The following ANKFN1 variants were observed in gnomAD, a reference collection of about 807,000 sequenced individuals.
ANKFN1 encodes ankyrin repeat and fibronectin type III domain containing 1.
A neutral mutation model predicts 108.7 loss-of-function variants in ANKFN1; 74 were observed. The ratio of observed to expected loss-of-function variants is 0.68; its 90% CI spans 0.56 to 0.83. The LOEUF is 0.83. ANKFN1 is among the 40% of genes least tolerant of loss of function. The pLI is 0.00. For synonymous variants in ANKFN1, 547 were observed against 516.2 expected, an observed-to-expected ratio of 1.06 and a Z score of -0.81; for missense variants, 1,505 against 1,382.3, an observed-to-expected ratio of 1.09 and a Z score of -1.41.
chr17:56,144,790 C>G (rs1341596451), intron 4 of ANKFN1, among the ~76,000 whole-genome samples: 1 of 152,156 alleles, frequency 6.6e-6, no homozygotes, highest in African/African-American at 2.4e-5. Context: ...AGCATTGGAG[C>G]AGATGTCTGA....
At chr17:56,174,772 C>T (rs1910984663) in intron 1 of ANKFN1, among the ~76,000 whole-genome samples, 1 of 152,174 alleles carries the variant, frequency 6.6e-6, no homozygotes, top group African/African-American at 2.4e-5. Context: ...CGGAGTCCCT[C>T]CTCCCACCTT....
chr17:56,308,837 G>GCGC (rs1375699962), intron 3 of ANKFN1, among the ~76,000 whole-genome samples: 1 of 152,094 alleles, frequency 6.6e-6, no homozygotes, highest in Middle Eastern at 3.2e-3. Flanking sequence ...ATGTGAGTTT[G>GCGC]CGCCTTTTAT....
chr17:56,326,526 A>G lies in ANKFN1; in HGVS notation c.188+171A>G, dbSNP rs182923621. Among the ~76,000 whole-genome samples the G allele has an allele frequency of 1.2e-3, 190 of 152,314 alleles. 1 individual carries two copies. Among genetic ancestry groups the G allele is most frequent in the Middle Eastern group, 3.4e-3 (1 of 294 alleles). On this transcript the variant is annotated intron_variant, in intron 4 of 20. Transcript: ENST00000682825. ...AGAATACACACAAGCACACACACAC[A>G]CAGTGGTCTGCAATTGTACATACAC... is the stretch of plus-strand genomic sequence containing the variant.
At chr17:56,190,132 A>G (rs59442937) in intron 1 of ANKFN1, among the ~76,000 whole-genome samples, 30,865 of 121,160 alleles carry the variant, frequency 0.25, 4,013 homozygotes, top group East Asian at 0.45. Flanking sequence ...CTAGCGGTCT[A>G]TCAATTTTGT....
At chr17:56,347,378 A>G (rs1312891576) in intron 4 of ANKFN1, among the ~76,000 whole-genome samples, 1 of 152,010 alleles carries the variant, frequency 6.6e-6, no homozygotes, top group African/African-American at 2.4e-5. Flanking sequence ...AATCTTCACA[A>G]TTCTAGAAAA....
At chr17:56,348,211 A>G (rs1198676594) in intron 4 of ANKFN1, among the ~76,000 whole-genome samples, 1 of 152,116 alleles carries the variant, frequency 6.6e-6, no homozygotes, top group Non-Finnish European at 1.5e-5. Flanking sequence ...CTCCCTTTCC[A>G]TTTCTACTTT....
chr17:56,188,661 T>G (rs1373649475), intron 1 of ANKFN1, among the ~76,000 whole-genome samples: 3 of 144,840 alleles, frequency 2.1e-5, no homozygotes, highest in Non-Finnish European at 4.5e-5. Context: ...TACACAGAGC[T>G]CTTGAAACAC....
chr17:56,188,573 GTGTGTGTGTATA>G (rs1195036185), intron 1 of ANKFN1, among the ~76,000 whole-genome samples: 2 of 95,478 alleles, frequency 2.1e-5, no homozygotes. Context: ...ATGTGTGTGT[GTGTGTGTGTATA>G]TATATATATA....
chr17:56,321,249 A>AT (rs1176291668), intron 3 of ANKFN1, among the ~76,000 whole-genome samples: 8 of 151,722 alleles, frequency 5.3e-5, no homozygotes, highest in Non-Finnish European at 1.0e-4. Context: ...TTCTTTTCCT[A>AT]TTTTTTTGTC....
At chr17:56,418,148 C>G (rs1385949446) in intron 8 of ANKFN1, among the ~76,000 whole-genome samples, 1 of 152,278 alleles carries the variant, frequency 6.6e-6, no homozygotes, top group Non-Finnish European at 1.5e-5. Flanking sequence ...AATAAGACCT[C>G]CCTTTATTTC....
Position 56,326,371 on chromosome 17 carries a change from T to A in ANKFN1, c.188+16T>A. On this transcript the variant is annotated intron_variant, in intron 4 of 20. Transcript: ENST00000682825. ...GCATAAACTGGTAAGTCAAATTTAC[T>A]GTTGTCTTTCTTCATGTGAATATGG... 1 of 1,604,394 alleles carries A rather than the reference T, an allele frequency of 6.2e-7. No individual in the cohort carries two copies. The highest frequency in any genetic ancestry group is 8.5e-7 in the Non-Finnish European group (1 of 1,176,688).
intron 6 of ANKFN1, among the ~76,000 whole-genome samples, chr17:56,359,047 G>A (rs1366600391): frequency 1.1e-4 from 17 of 152,140 alleles, no homozygotes; most frequent in Admixed American, 1.1e-3. Flanking sequence ...TGCCTATTGT[G>A]TACAAATCTG....
At chr17:56,444,589 T>C (rs192322003) in intron 10 of ANKFN1, among the ~76,000 whole-genome samples, 8 of 152,288 alleles carry the variant, frequency 5.3e-5, no homozygotes, top group African/African-American at 7.2e-5. Flanking sequence ...TCTATCAGCA[T>C]TGGAGATAAC....
intron 4 of ANKFN1, 130 bp from the exon 5 acceptor site, chr17:56,350,636 T>C: frequency 3.6e-6 from 3 of 839,934 alleles, no homozygotes; most frequent in South Asian, 3.7e-5. Flanking sequence ...CTGGGTCTGA[T>C]AATCTCTAAG....
chr17:56,083,320 T>C (rs867568149), intron 4 of ANKFN1, among the ~76,000 whole-genome samples: 3 of 151,386 alleles, frequency 2.0e-5, no homozygotes, highest in Admixed American at 1.3e-4. Context: ...ATGTATTTTG[T>C]GCACCTATCA....
chr17:56,130,031 AGAT>A (rs1907181356), intron 4 of ANKFN1, among the ~76,000 whole-genome samples: 2 of 152,256 alleles, frequency 1.3e-5, no homozygotes, highest in African/African-American at 4.8e-5. Context: ...ACCTCGCTAT[AGAT>A]TAGAGCCGTC....
intron 18 of ANKFN1, among the ~76,000 whole-genome samples, chr17:56,490,211 TAAGTGTCATGA>T (rs976742333): frequency 7.9e-5 from 12 of 152,298 alleles, no homozygotes; most frequent in African/African-American, 2.6e-4. Flanking sequence ...TGTAGTAGGA[TAAGTGTCATGA>T]AATGTTTAGA....
At chr17:56,137,215 G>A (rs16956727) in intron 4 of ANKFN1, among the ~76,000 whole-genome samples, 27,511 of 152,140 alleles carry the variant, frequency 0.18, 2,875 homozygotes, top group East Asian at 0.28. Flanking sequence ...AAGGGAATGA[G>A]TTTCCCAGCA....
chr17:56,448,796 A>G (rs17760041), intron 10 of ANKFN1, among the ~76,000 whole-genome samples: 3,324 of 152,148 alleles, frequency 0.022, 54 homozygotes, highest in Non-Finnish European at 0.035. Context: ...AAGAGGTTAG[A>G]TTGGACTCCC....
Sources: allele counts gnomAD v4.1 joint callset (sites outside exome capture counted in the v4.1 genomes callset), GRCh38; gene constraint gnomAD v4.1.1; transcripts MANE v1.5; gene names NCBI Gene and HGNC (gene_info 2026-07-23, HGNC 2026-07-21).